Variants in SOX6 observed in about 807,000 individuals in gnomAD.
SOX6 encodes the protein SRY-box transcription factor 6, also known as transcription factor SOX-6.
In SOX6, 11 loss-of-function variants were observed where a neutral mutation model predicts 97.8. The observed-to-expected ratio is 0.11, with a 90% CI of 0.07 to 0.19. SOX6 has a LOEUF of 0.19. Ranked by LOEUF, SOX6 falls within the 10% of genes least tolerant of loss-of-function variation. The probability of loss-of-function intolerance (pLI) is 1.00; values close to 1 mark genes in which losing one functional copy is unlikely to be tolerated. For missense variants in SOX6, 810 were observed against 1,039.5 expected (o/e 0.78, Z 3.04); for synonymous variants, 360 against 371.4 (o/e 0.97, Z 0.35).
At chr11:16,027,494 G>A (rs1023675601) in intron 12 of SOX6, among the ~76,000 whole-genome samples, 18 of 152,070 alleles carry the variant, frequency 1.2e-4, no homozygotes, top group Non-Finnish European at 2.2e-4. Context: ...TATCAAACAC[G>A]GGACAAGAGC....
At chr11:16,209,077 T>A (rs556116771) in intron 4 of SOX6, among the ~76,000 whole-genome samples, 1 of 152,316 alleles carries the variant, frequency 6.6e-6, no homozygotes, top group East Asian at 1.9e-4. Flanking sequence ...TGGGAATTCA[T>A]CTCCTCTTAA....
chr11:16,428,426 C>T (rs910374689), intron 1 of SOX6, among the ~76,000 whole-genome samples: 35 of 152,136 alleles, frequency 2.3e-4, no homozygotes, highest in Non-Finnish European at 5.1e-4. Flanking sequence ...AATGTATTGC[C>T]TAGGTTTTCT....
intron 4 of SOX6, among the ~76,000 whole-genome samples, chr11:16,231,427 A>G (rs1055931967): frequency 4.6e-5 from 7 of 151,792 alleles, no homozygotes; most frequent in South Asian, 2.1e-4. Context: ...CATTAAATCA[A>G]CAATGATATG....
At chr11:16,656,164 C>T (rs1221657323) in intron 3 of SOX6, among the ~76,000 whole-genome samples, 1 of 152,034 alleles carries the variant, frequency 6.6e-6, no homozygotes, top group Non-Finnish European at 1.5e-5. Context: ...CTGCAACCTC[C>T]GACTCCCTGG....
chr11:16,208,754 T>C (rs915288756), intron 4 of SOX6, among the ~76,000 whole-genome samples: 2 of 152,218 alleles, frequency 1.3e-5, no homozygotes, highest in Non-Finnish European at 2.9e-5. Flanking sequence ...GGAAGTTCTA[T>C]ATAACTCAGA....
At chr11:16,562,301 A>G (rs1381433570) in intron 4 of SOX6, among the ~76,000 whole-genome samples, 1 of 152,180 alleles carries the variant, frequency 6.6e-6, no homozygotes, top group African/African-American at 2.4e-5. Flanking sequence ...CTCAGAACCA[A>G]GGAATGACAC....
At position 16,713,297 on chromosome 11, in the gene SOX6, C is replaced by A. The variant is rs187202124; in HGVS notation, n.429+1533G>T. ...ACAATTATAACAGTAGAATACAATG[C>A]ATTACATTGCCAAAATCTTTTACTA... On this transcript the variant is annotated intron_variant and non_coding_transcript_variant, in intron 3 of 5. Coordinates refer to the SOX6 transcript ENST00000524520. 3.6e-3 allele frequency among the ~76,000 whole-genome samples: 555 copies of A among 152,234 alleles called. 1 individual carries two copies. The highest frequency in any genetic ancestry group is 6.6e-3 in the Non-Finnish European group (449 of 68,000).
rs1211136461 is a variant in SOX6 at position 16,605,214 on chromosome 11, G to T, written n.609+6867C>A. On this transcript the variant is annotated intron_variant and non_coding_transcript_variant, in intron 4 of 5. Coordinates refer to the SOX6 transcript ENST00000524520. This position sits in a 1 kb window ranked among gnomAD's most constrained non-coding sequence, Gnocchi z 5.3. ...GGCAGGGCGCCGAGAAGGACGGAGG[G>T]CGCCGGCTGGGCTCAGGGACGCGGG... Among the ~76,000 whole-genome samples, 1 of 151,984 alleles carries T rather than the reference G, an allele frequency of 6.6e-6. No individual in the cohort carries two copies. The highest frequency in any genetic ancestry group is 2.4e-5 in the African/African-American group (1 of 41,412).
At chr11:16,644,919 T>C (rs1486332954) in intron 3 of SOX6, among the ~76,000 whole-genome samples, 2 of 152,232 alleles carry the variant, frequency 1.3e-5, no homozygotes, top group Non-Finnish European at 2.9e-5. Context: ...CAGAGGAGTA[T>C]ACTGTAGCTG....
intron 3 of SOX6, among the ~76,000 whole-genome samples, chr11:16,661,879 T>A (rs1271388214): frequency 6.6e-6 from 1 of 152,142 alleles, no homozygotes; most frequent in Non-Finnish European, 1.5e-5. Context: ...TTATACTCTC[T>A]CCTCGTTTTC....
chr11:16,364,549 T>A (rs1309961068), intron 1 of SOX6, among the ~76,000 whole-genome samples: 2 of 152,122 alleles, frequency 1.3e-5, no homozygotes, highest in Non-Finnish European at 2.9e-5. Flanking sequence ...GCAAAATCAC[T>A]TATCTTCCTT....
chr11:16,387,316 G>T (rs1433752301), intron 1 of SOX6, among the ~76,000 whole-genome samples: 1 of 152,000 alleles, frequency 6.6e-6, no homozygotes, highest in Non-Finnish European at 1.5e-5. Context: ...TTGCATTGTG[G>T]CATTGAAACC....
intron 9 of SOX6, among the ~76,000 whole-genome samples, chr11:16,064,520 A>T (rs1422330945): frequency 2.8e-5 from 3 of 108,516 alleles, no homozygotes; most frequent in Non-Finnish European, 1.6e-5. Flanking sequence ...AAAGCCATAC[A>T]TATATATATA....
intron 3 of SOX6, among the ~76,000 whole-genome samples, chr11:16,302,566 C>CTTTTTTTTTTTTTTTTTTTTTTTT (rs71044096): frequency 3.4e-5 from 3 of 87,002 alleles, no homozygotes; most frequent in African/African-American, 4.5e-5. Flanking sequence ...TTCTTTTTTT[C>CTTTTTTTTTTTTTTTTTTTTTTTT]TTTTTTTTTT....
intron 3 of SOX6, among the ~76,000 whole-genome samples, chr11:16,285,211 T>G (rs1235690023): frequency 6.6e-6 from 1 of 152,172 alleles, no homozygotes; most frequent in Non-Finnish European, 1.5e-5. Flanking sequence ...CTGAATGTTT[T>G]AATATTAAAC....
At chr11:16,322,000 T>C (rs1001662996) in intron 2 of SOX6, among the ~76,000 whole-genome samples, 2 of 152,112 alleles carry the variant, frequency 1.3e-5, no homozygotes, top group African/African-American at 4.8e-5. Flanking sequence ...ATGAAGTCAA[T>C]AATGCCAACT....
intron 1 of SOX6, among the ~76,000 whole-genome samples, chr11:16,431,266 T>C (rs577438714): frequency 2.6e-5 from 4 of 152,270 alleles, no homozygotes; most frequent in African/African-American, 7.2e-5. Flanking sequence ...TTATTTGTTG[T>C]TTTTTAATAT....
At chr11:16,721,070 C>T (rs1388708444) in intron 2 of SOX6, among the ~76,000 whole-genome samples, 6 of 152,232 alleles carry the variant, frequency 3.9e-5, no homozygotes, top group East Asian at 1.9e-4. Flanking sequence ...GTGAAGGACG[C>T]GAATGGGCCT....
chr11:16,417,035 G>T (rs142505509), intron 1 of SOX6, among the ~76,000 whole-genome samples: 2 of 152,276 alleles, frequency 1.3e-5, no homozygotes, highest in East Asian at 1.9e-4. Context: ...GCCAGCCTTG[G>T]TGAGAAAGTG....
Sources: gnomAD v4.1 joint callset for allele counts (sites outside exome capture counted in the v4.1 genomes callset) on GRCh38, gnomAD v4.1.1 for gene constraint, Gnocchi (gnomAD v3.1) non-coding constraint, MANE v1.5 for transcripts, NCBI Gene and HGNC (gene_info 2026-07-23, HGNC 2026-07-21) for gene names.